Variants in KIFAP3 observed in about 807,000 individuals in gnomAD.
The protein encoded by KIFAP3 is kinesin-associated protein 3.
KIFAP3 carries 68 observed loss-of-function variants against 106.5 expected under a neutral mutation model. The observed-to-expected ratio is 0.64, with a 90% confidence interval of 0.53 to 0.78. The LOEUF (loss-of-function observed/expected upper bound fraction) is 0.78. Among genes scored for constraint, KIFAP3 ranks in the 30% least tolerant of loss-of-function variants. The pLI is 0.00. For synonymous variants in KIFAP3, 320 were observed against 311.5 expected (o/e 1.03, Z -0.29); for missense variants, 780 against 941.8 (o/e 0.83, Z 2.25).
At chr1:170,020,396 A>C (rs949715770) in intron 9 of KIFAP3, among the ~76,000 whole-genome samples, 1 of 152,206 alleles carries the variant, frequency 6.6e-6, no homozygotes, top group African/African-American at 2.4e-5. Flanking sequence ...GCACAGACAC[A>C]CAGATTAATG....
chr1:170,033,670 G>T (rs914334855), intron 7 of KIFAP3, among the ~76,000 whole-genome samples: 1 of 151,682 alleles, frequency 6.6e-6, no homozygotes, highest in African/African-American at 2.4e-5. Flanking sequence ...TAGAACCAAT[G>T]GATAGAAGTT....
chr1:170,085,183 G>T (rs1422247172), exon 1 of KIFAP3: 1 of 152,100 alleles, frequency 6.6e-6, no homozygotes, highest in Non-Finnish European at 1.5e-5. Context: ...TCAGTTAAAA[G>T]GACCCTTTAA....
chr1:170,044,035 G>C (rs1670116722), intron 3 of KIFAP3, among the ~76,000 whole-genome samples: 1 of 152,156 alleles, frequency 6.6e-6, no homozygotes, highest in African/African-American at 2.4e-5. Flanking sequence ...TGGTCCCTTA[G>C]CTAAACCCTC....
upstream of KIFAP3, among the ~76,000 whole-genome samples, chr1:170,076,416 A>C (rs566645467): frequency 5.0e-4 from 76 of 152,344 alleles, no homozygotes; most frequent in Middle Eastern, 3.4e-3. Flanking sequence ...TAAGAAGATA[A>C]GATTATGTAA....
intron 10 of KIFAP3, among the ~76,000 whole-genome samples, chr1:170,009,948 C>G (rs1668161219): frequency 6.6e-6 from 1 of 152,024 alleles, no homozygotes; most frequent in African/African-American, 2.4e-5. Flanking sequence ...TTAAGTAAAG[C>G]CAAGTTTTGT....
intron 3 of KIFAP3, among the ~76,000 whole-genome samples, chr1:170,046,237 G>GAAAAAAAAAAAA (rs1571725437): frequency 2.1e-5 from 1 of 46,986 alleles, no homozygotes; most frequent in African/African-American, 7.6e-5. Context: ...AAAGGAAACA[G>GAAAAAAAAAAAA]AGAAAATAAA....
intron 1 of KIFAP3, among the ~76,000 whole-genome samples, chr1:170,065,754 A>T (rs557402717): frequency 2.2e-4 from 33 of 152,292 alleles, no homozygotes; most frequent in Non-Finnish European, 3.4e-4. Flanking sequence ...ATTACATTTT[A>T]AAAATAATTA....
At position 169,996,541 on chromosome 1, in the gene KIFAP3, G is replaced by A. The variant is rs142447327; in HGVS notation, c.1184-4286C>T. ...TAGGTATTATCTTTGATTCAGAGAT[G>A]AGGCAATGACATTCACTAAGGCTAT... On this transcript the variant is annotated intron_variant, in intron 10 of 19. Transcript: ENST00000361580. Among the ~76,000 whole-genome samples, 456 of 152,308 alleles carry A rather than the reference G, an allele frequency of 3.0e-3. 16 individuals are homozygous for A. The South Asian group carries it at 0.057, about 19-fold the overall frequency.
rs932953314 is a variant in KIFAP3, at chr1:169,941,002, A to G, written c.2273+13009T>C. On this transcript the variant is annotated intron_variant, in intron 19 of 19. Transcript: ENST00000361580. Reference sequence around the variant, plus strand: ...AAAACAATGTTTACTTCATGAAGAAACTTTCTGTGGACTTGCAAGGTTAGA... The same window carrying G: ...AAAACAATGTTTACTTCATGAAGAAGCTTTCTGTGGACTTGCAAGGTTAGA... Among the ~76,000 whole-genome samples the G allele has an allele frequency of 7.2e-5, 11 of 152,044 alleles. No homozygotes were observed. In the South Asian group the frequency reaches 2.1e-3, roughly 29 times the overall value.
At chr1:169,999,335 A>G (rs1667544820) in intron 10 of KIFAP3, among the ~76,000 whole-genome samples, 1 of 152,194 alleles carries the variant, frequency 6.6e-6, no homozygotes, top group South Asian at 2.1e-4. Context: ...TGATTCCTCT[A>G]CATCCTACAA....
At chr1:170,011,392 G>A (rs1166979472) in intron 10 of KIFAP3, among the ~76,000 whole-genome samples, 2 of 151,684 alleles carry the variant, frequency 1.3e-5, no homozygotes, top group Non-Finnish European at 3.0e-5. Context: ...ATAAAAAAGG[G>A]AATACAGTAA....
Position 170,045,275 on chromosome 1 carries a change from A to G in KIFAP3, c.319+1437T>C, listed in dbSNP as rs188490328. Among the ~76,000 whole-genome samples, 30 of 152,326 alleles carry G rather than the reference A, an allele frequency of 2.0e-4. 1 individual carries two copies. The highest frequency in any genetic ancestry group is 1.6e-3 in the Admixed American group (25 of 15,300). On this transcript the variant is annotated intron_variant, in intron 3 of 19. Transcript: ENST00000361580. The stretch of plus-strand genomic sequence containing the variant: ...ATAAGTAAAAAATGTTACTTTCAAC[A>G]GATCCAGAAACCTCAAGTTATTCTG...
At chr1:169,975,576 G>T (rs983504182) in intron 16 of KIFAP3, among the ~76,000 whole-genome samples, 3 of 151,822 alleles carry the variant, frequency 2.0e-5, no homozygotes, top group Non-Finnish European at 4.4e-5. Flanking sequence ...CAAAAATTCT[G>T]TTTTTTCAAC....
chr1:169,988,919 T>C (rs1170166444), intron 11 of KIFAP3, among the ~76,000 whole-genome samples: 1 of 151,916 alleles, frequency 6.6e-6, no homozygotes, highest in Non-Finnish European at 1.5e-5. Flanking sequence ...TTGGGTAACA[T>C]AACCTTATTC....
chr1:170,063,065 TTGAAACCACCTTTGTAAGACTAA>T (rs951746566), intron 1 of KIFAP3, among the ~76,000 whole-genome samples: 5 of 152,106 alleles, frequency 3.3e-5, no homozygotes, highest in African/African-American at 7.2e-5. Flanking sequence ...AAAACTAGCC[TTGAAACCACCTTTGTAAGACTAA>T]TGAAAGGCCC....
chr1:170,013,438 CTAT>C (rs968427898), intron 10 of KIFAP3, among the ~76,000 whole-genome samples: 10 of 149,480 alleles, frequency 6.7e-5, no homozygotes, highest in South Asian at 6.3e-4. Context: ...TTCATATATA[CTAT>C]TATTATCTAC....
intron 10 of KIFAP3, among the ~76,000 whole-genome samples, chr1:170,007,579 T>C (rs1286070204): frequency 6.6e-6 from 1 of 152,086 alleles, no homozygotes; most frequent in African/African-American, 2.4e-5. Flanking sequence ...GAAGGACCTC[T>C]TCAAGGAGAA....
Position 169,958,920 on chromosome 1 carries a change from AT to A in KIFAP3, c.2173+2125del, listed in dbSNP as rs888373621. Among the ~76,000 whole-genome samples, 7 of 151,980 alleles carry A rather than the reference AT, an allele frequency of 4.6e-5. No homozygotes were observed. In the South Asian group the frequency reaches 6.2e-4, roughly 13 times the overall value. ...GTTTTGTATTTCACATAATACTAAG[AT>A]TTTTTTTTAAAAAACATGGGAGAAT... On this transcript the variant is annotated intron_variant, in intron 18 of 19. Coordinates refer to ENST00000361580, the MANE Select transcript of KIFAP3 (RefSeq NM_014970.4).
At chr1:169,973,105 G>GTATATATATATATATA (rs1553278126) in intron 16 of KIFAP3, among the ~76,000 whole-genome samples, 13 of 90,286 alleles carry the variant, frequency 1.4e-4, no homozygotes, top group South Asian at 9.3e-4. Flanking sequence ...AAAATAGTGT[G>GTATATATATATATATA]TATATATATA....
Sources: allele counts gnomAD v4.1 joint callset (sites outside exome capture counted in the v4.1 genomes callset), GRCh38; gene constraint gnomAD v4.1.1; transcripts MANE v1.5; gene names NCBI Gene and HGNC (gene_info 2026-07-23, HGNC 2026-07-21).